The following RPL7 variants were observed in gnomAD, a reference collection of about 807,000 sequenced individuals.
The protein encoded by RPL7 is ribosomal protein L7, also known as large ribosomal subunit protein uL30.
For synonymous variants in RPL7, 100 were observed against 102.2 expected (o/e 0.98, Z 0.13); for missense variants, 205 against 301.9 (o/e 0.68, Z 2.38).
At chr8:73,291,934 T>A (rs748764010) in intron 3 of RPL7, 24 bp from the exon 4 acceptor site, 1 of 1,601,876 alleles carries the variant, frequency 6.2e-7, no homozygotes, top group African/African-American at 1.3e-5. Context: ...GGACCAGAAA[T>A]GCATTTGCCT....
At position 73,291,902 on chromosome 8, in the gene RPL7, C is replaced by T; in HGVS notation, c.299G>A (p.Gly100Glu). Residue 100 changes from glycine (G) to glutamate (E), a missense_variant, in exon 4 of 7, where the codon GGA becomes GAA. Physicochemically the swap from Gly to Glu is moderately conservative, Grantham distance 98 (BLOSUM62 -2). Transcript: ENST00000352983. Reference sequence around the variant, plus strand: ...CACCTTTCGAACCTTTGGGCTCACTCCATTGATACTGTGGTGAAAACGGAC... The same window carrying T: ...CACCTTTCGAACCTTTGGGCTCACTTCATTGATACTGTGGTGAAAACGGAC... ...AFVIRIRGIN[G>E]VSPKVRKVLQ... 1.9e-6 allele frequency: 3 copies of T among 1,611,812 alleles called. No individual in the cohort carries two copies. The highest frequency in any genetic ancestry group is 2.5e-6 in the Non-Finnish European group (3 of 1,178,000).
chr8:73,291,815 G>C lies in RPL7; in HGVS notation c.386C>G (p.Ser129Trp). ...NGTFVKLNKA[S>W]INMLRIVEPY... ...CTCTACAATCCTCAGCATGTTAATC[G>C]AAGCCTTGTTGAGCTTCACAAAGGT... Residue 129 changes from serine (S) to tryptophan (W), a missense_variant, in exon 4 of 7, where the codon TCG (serine) becomes TGG (tryptophan). Ser to Trp is a radical substitution (Grantham distance 177, BLOSUM62 -3). Transcript: ENST00000352983. 2 of 1,611,360 alleles carry C rather than the reference G, an allele frequency of 1.2e-6. No individual in the cohort carries two copies. Among genetic ancestry groups the C allele is most frequent in the Non-Finnish European group, 1.7e-6 (2 of 1,177,640 alleles).
intron 3 of RPL7, 52 bp downstream of exon 3, chr8:73,292,187 G>GC: frequency 7.7e-7 from 1 of 1,291,554 alleles, no homozygotes; most frequent in Non-Finnish European, 1.1e-6. Context: ...GTAATGTGAA[G>GC]GTTTTTTTTT....
At chr8:73,290,738 C>G in intron 6 of RPL7, 33 bp from the exon 7 acceptor site, 1 of 271,278 alleles carries the variant, frequency 3.7e-6, no homozygotes, top group Non-Finnish European at 7.0e-6. Flanking sequence ...TTAGAAAACA[C>G]TTTAGGCAGC....
chr8:73,290,829 G>A (rs1229122845), intron 6 of RPL7, 124 bp from the exon 7 acceptor site: 1 of 528,116 alleles, frequency 1.9e-6, no homozygotes, highest in East Asian at 3.1e-5. Context: ...CATCTTTAAA[G>A]ACTCCCCAAA....
chr8:73,290,856 C>T, intron 6 of RPL7, 151 bp from the exon 7 acceptor site: 3 of 583,904 alleles, frequency 5.1e-6, no homozygotes, highest in Non-Finnish European at 6.2e-6. Context: ...TTTTCCTTTC[C>T]TCCAGAAAGG....
rs1165970563 is a variant in RPL7 at position 73,293,463 on chromosome 8, G to A, written c.14+136C>T. 4 of 1,083,468 alleles carry A rather than the reference G, an allele frequency of 3.7e-6. No homozygotes were observed. In the African/African-American group the frequency reaches 6.4e-5, roughly 17 times the overall value. 67.1% of individuals were successfully genotyped at this position (1,083,468 alleles called of 1,614,324 possible). ...CAACCCTAGCCTCAGGTCCCCACTG[G>A]TGTCACACAGCGTTCACAATCAAGC... On this transcript the variant is annotated intron_variant, in intron 1 of 6. Transcript: ENST00000352983.
In RPL7 at chr8:73,291,725, T is replaced by C. The variant is rs1424581000; in HGVS notation, c.428+48A>G. On this transcript the variant is annotated intron_variant, in intron 4 of 6. Coordinates refer to ENST00000352983, the MANE Select transcript of RPL7 (RefSeq NM_000971.4). ...TTAAAACATCTAAAATTCATGTTGC[T>C]ACATAACCAATTTATCAAATAGAAA... is the stretch of plus-strand genomic sequence containing the variant. The C allele has an allele frequency of 2.5e-6, 4 of 1,592,156 alleles. No homozygotes were observed. In the Admixed American group the frequency reaches 5.1e-5, roughly 20 times the overall value.
chr8:73,293,652 T>C (rs779815251), upstream of RPL7: 3 of 1,612,740 alleles, frequency 1.9e-6, no homozygotes, highest in Non-Finnish European at 2.5e-6. Flanking sequence ...GCATGCGTAC[T>C]GTCCACTTAA....
At chr8:73,292,634 C>A in intron 2 of RPL7, 55 bp downstream of exon 2, 1 of 1,330,590 alleles carries the variant, frequency 7.5e-7, no homozygotes, top group Non-Finnish European at 1.1e-6. Context: ...TCACCTCATC[C>A]TCAATCCCAA....
rs534457930 is a variant in RPL7, at chr8:73,291,452, G to T, written c.538+100C>A. The stretch of plus-strand genomic sequence containing the variant: ...TTTAAGCTAAATCAAGAATCATAGG[G>T]AACACATGAAGATTCACAATAGTGA... On this transcript the variant is annotated intron_variant, in intron 5 of 6. Transcript: ENST00000352983. 214 of 938,546 alleles carry T rather than the reference G, an allele frequency of 2.3e-4. 2 individuals are homozygous for T. In the African/African-American group the frequency reaches 2.8e-3, roughly 12 times the overall value. 58.1% of individuals were successfully genotyped at this position (938,546 alleles called of 1,614,324 possible).
intron 3 of RPL7, 139 bp downstream of exon 3, chr8:73,292,100 A>G (rs1814110972): frequency 3.7e-6 from 4 of 1,072,350 alleles, no homozygotes; most frequent in Non-Finnish European, 5.4e-6. Context: ...CTAAACCATT[A>G]GTGATCAGCA....
chr8:73,291,076 G>C lies in RPL7; in HGVS notation c.715C>G (p.Gln239Glu). The stretch of plus-strand genomic sequence containing the variant: ...ATTCTTCTAATAAGCCTGTTGATCT[G>C]GTCCTCCCTGTTGCCAGCATCTCCA... ...EGGDAGNRED[Q>E]INRLIRRMN The change falls in exon 6 of 7, where the codon CAG becomes GAG. Residue 239 changes from glutamine to glutamate, a missense_variant. Coordinates refer to ENST00000352983, the MANE Select transcript of RPL7 (RefSeq NM_000971.4). 1 of 1,610,006 alleles carries C rather than the reference G, an allele frequency of 6.2e-7. No homozygotes were observed. The highest frequency in any genetic ancestry group is 8.5e-7 in the Non-Finnish European group (1 of 1,177,910).
upstream of RPL7, chr8:73,293,670 G>A: frequency 2.5e-6 from 4 of 1,604,950 alleles, no homozygotes; most frequent in Non-Finnish European, 3.4e-6. Flanking sequence ...TAAAGACTTC[G>A]CGAGAGAAGC....
chr8:73,292,562 G>T, intron 2 of RPL7, 127 bp downstream of exon 2: 3 of 1,003,812 alleles, frequency 3.0e-6, no homozygotes, highest in Non-Finnish European at 4.5e-6. Flanking sequence ...CCTTCAGATT[G>T]TAACATTAGG....
At position 73,291,533 on chromosome 8, in the gene RPL7, T is replaced by C. The variant is rs557058044; in HGVS notation, c.538+19A>G. 162 of 1,563,086 alleles carry C rather than the reference T, an allele frequency of 1.0e-4. 1 individual carries two copies. Among genetic ancestry groups the C allele is most frequent in the South Asian group, 7.6e-4 (66 of 87,248 alleles). On this transcript the variant is annotated intron_variant, in intron 5 of 6. Coordinates refer to ENST00000352983, the MANE Select transcript of RPL7 (RefSeq NM_000971.4). The stretch of plus-strand genomic sequence containing the variant: ...TATCGCATGGTCTAATACCAAATTT[T>C]CCCCCAAATAGAACCTACCAAGAGA...
chr8:73,290,516 G>A lies in RPL7; in HGVS notation c.*191C>T, dbSNP rs1436380656. On this transcript the variant is annotated 3_prime_UTR_variant, in exon 7 of 7. Transcript: ENST00000352983. ...ATGTCTTTCACACAGACTCGACCCT[G>A]ATTTTGCACGAAATGGGCTGTTGAT... The A allele has an allele frequency of 1.3e-5, 2 of 152,836 alleles. No individual in the cohort carries two copies. The highest frequency in any genetic ancestry group is 3.8e-4 in the East Asian group (2 of 5,216). The allele number at this position is 152,836 out of a possible 1,614,324, so 9.5% of individuals were successfully genotyped here.
upstream of RPL7, chr8:73,293,861 G>T: frequency 2.1e-6 from 1 of 470,012 alleles, no homozygotes; most frequent in Admixed American, 3.4e-5. Flanking sequence ...AAAGAGTGCT[G>T]ACACCTTGGC....
chr8:73,292,596 G>C, intron 2 of RPL7, 93 bp downstream of exon 2: 2 of 1,104,562 alleles, frequency 1.8e-6, no homozygotes, highest in Admixed American at 2.1e-5. Flanking sequence ...ACTCAGTACA[G>C]TTAGGAAGTA....
Sources: gnomAD v4.1 joint callset for allele counts on GRCh38, gnomAD v4.1.1 for gene constraint, MANE v1.5 for transcripts, NCBI Gene and HGNC (gene_info 2026-07-23, HGNC 2026-07-21) for gene names.